Variants in PTPRQ observed in about 807,000 individuals in gnomAD.
PTPRQ encodes the protein phosphatidylinositol phosphatase PTPRQ.
PTPRQ carries 199 observed loss-of-function variants against 246.0 expected under a neutral mutation model. The ratio of observed to expected loss-of-function variants is 0.81; its 90% CI spans 0.72 to 0.91. The LOEUF is 0.91. Ranked by LOEUF, PTPRQ falls within the 40% of genes least tolerant of loss-of-function variation. The pLI is 0.00. For missense variants in PTPRQ, 2,624 were observed against 2,528.4 expected (o/e 1.04, Z -0.81); for synonymous variants, 869 against 853.2 (o/e 1.02, Z -0.32).
At chr12:80,455,567 TA>T (rs1383840214) in intron 3 of PTPRQ, among the ~76,000 whole-genome samples, 1 of 149,536 alleles carries the variant, frequency 6.7e-6, no homozygotes, top group Non-Finnish European at 1.5e-5. Flanking sequence ...TTTGCATTTA[TA>T]AAAAAGTCTC....
chr12:80,610,690 T>C, intron 28 of PTPRQ, 65 bp downstream of exon 28: 2 of 1,505,568 alleles, frequency 1.3e-6, no homozygotes, highest in Non-Finnish European at 8.9e-7. Flanking sequence ...TTACAGTTCA[T>C]CATACTCCAC....
intron 26 of PTPRQ, among the ~76,000 whole-genome samples, chr12:80,598,105 A>C (rs2121056233): frequency 6.6e-6 from 1 of 152,098 alleles, no homozygotes; most frequent in South Asian, 2.1e-4. Flanking sequence ...TCATACAGTG[A>C]GGTCTAATAC....
chr12:80,567,380 C>T (rs1418295939), intron 25 of PTPRQ, among the ~76,000 whole-genome samples: 2 of 152,066 alleles, frequency 1.3e-5, no homozygotes. Context: ...AATGTATATG[C>T]AGTGACATGT....
At chr12:80,660,295 G>A (rs952426842) in intron 39 of PTPRQ, among the ~76,000 whole-genome samples, 1 of 152,010 alleles carries the variant, frequency 6.6e-6, no homozygotes, top group African/African-American at 2.4e-5. Context: ...TGGTCTGAGG[G>A]ATGTATGTTA....
intron 6 of PTPRQ, among the ~76,000 whole-genome samples, chr12:80,463,537 A>G (rs1470097015): frequency 1.3e-5 from 2 of 152,160 alleles, no homozygotes; most frequent in Non-Finnish European, 2.9e-5. Context: ...ATACTCCTTG[A>G]GAAGAGCAAC....
intron 26 of PTPRQ, among the ~76,000 whole-genome samples, chr12:80,592,292 A>G (rs1413675500): frequency 6.6e-6 from 1 of 152,236 alleles, no homozygotes. Context: ...AATTTTGACG[A>G]TGAGTTGGTT....
intron 24 of PTPRQ, among the ~76,000 whole-genome samples, chr12:80,548,481 C>T (rs1415780020): frequency 6.6e-6 from 1 of 152,152 alleles, no homozygotes; most frequent in Admixed American, 6.6e-5. Flanking sequence ...AAATATTCTC[C>T]TTTAGTACTG....
At chr12:80,520,519 C>A (rs1289212196) in intron 17 of PTPRQ, among the ~76,000 whole-genome samples, 13 of 117,946 alleles carry the variant, frequency 1.1e-4, no homozygotes, top group African/African-American at 3.2e-4. Flanking sequence ...CCTCCCCCCA[C>A]CCCACAACAG....
At chr12:80,552,651 A>G (rs1209357354) in intron 25 of PTPRQ, among the ~76,000 whole-genome samples, 823 of 15,122 alleles carry the variant, frequency 0.054, 22 homozygotes, top group Middle Eastern at 0.095. Flanking sequence ...AAAATTATAT[A>G]TATATATATA....
chr12:80,588,061 A>G lies in PTPRQ; in HGVS notation c.4286-68A>G, dbSNP rs987160969. On this transcript the variant is annotated intron_variant, in intron 25 of 44. Transcript: ENST00000644991. Reference sequence around the variant, plus strand: ...ACTAGCTCCTCCATAATAGAATTCTATTCTTTCTTCTCTTTATGAAGTGTT... The same window carrying G: ...ACTAGCTCCTCCATAATAGAATTCTGTTCTTTCTTCTCTTTATGAAGTGTT... 3.9e-5 allele frequency: 56 copies of G among 1,429,910 alleles called. No individual in the cohort carries two copies. In the African/African-American group the frequency reaches 7.3e-4, roughly 19 times the overall value. 88.6% of individuals were successfully genotyped at this position (1,429,910 alleles called of 1,614,324 possible).
chr12:80,597,932 C>A (rs1293800092), intron 26 of PTPRQ, among the ~76,000 whole-genome samples: 2 of 151,956 alleles, frequency 1.3e-5, no homozygotes, highest in Admixed American at 6.6e-5. Context: ...AATATGTATT[C>A]TCTGATTCCA....
chr12:80,462,384 A>C (rs1373884309), intron 6 of PTPRQ: 4 of 192,432 alleles, frequency 2.1e-5, no homozygotes, highest in Non-Finnish European at 3.3e-5. Context: ...GGTGGAGCCC[A>C]CCACAGCTCA....
Position 80,605,059 on chromosome 12 carries a change from C to T in PTPRQ, c.4610C>T (p.Pro1537Leu). The T allele has an allele frequency of 6.5e-7, 1 of 1,539,710 alleles. No individual in the cohort carries two copies. ...NWISTKTLPGPPDGPPENVHV... is the reference protein window; with the variant it reads ...NWISTKTLPGLPDGPPENVHV... The stretch of plus-strand genomic sequence containing the variant: ...GATAATTAATTTTCTATTGTCATAG[C>T]TCCAGATGGTCCTCCTGAAAATGTT... The change falls in exon 27 of 45, where the codon CCT becomes CTT. Residue 1537 changes from proline to leucine, a missense_variant and splice_region_variant. Pro to Leu is a moderately conservative substitution (Grantham distance 98). Transcript: ENST00000644991.
chr12:80,562,470 G>A lies in PTPRQ; in HGVS notation c.4285+12736G>A, dbSNP rs116971314. Among the ~76,000 whole-genome samples the A allele has an allele frequency of 2.0e-5, 3 of 152,200 alleles. No individual in the cohort carries two copies. The East Asian group carries it at 5.8e-4, about 29-fold the overall frequency. ...GCTCTCAGGATGCAAAGTTTGAGCT[G>A]AAATATACTATCAAACAAGTTAGAA... On this transcript the variant is annotated intron_variant, in intron 25 of 44. Coordinates refer to ENST00000644991, the MANE Select transcript of PTPRQ (RefSeq NM_001145026.2).
At chr12:80,606,520 T>G (rs751507594) in intron 27 of PTPRQ, among the ~76,000 whole-genome samples, 4 of 150,934 alleles carry the variant, frequency 2.7e-5, no homozygotes, top group Non-Finnish European at 5.9e-5. Flanking sequence ...AGACTGGAAG[T>G]ATTTCCTTTG....
intron 35 of PTPRQ, among the ~76,000 whole-genome samples, chr12:80,645,605 C>A (rs1353815979): frequency 2.6e-5 from 4 of 151,396 alleles, no homozygotes; most frequent in African/African-American, 9.7e-5. Context: ...CACTTGTATC[C>A]TTAATGCAGG....
At chr12:80,507,947 C>T (rs1215627057) in intron 16 of PTPRQ, among the ~76,000 whole-genome samples, 1 of 151,864 alleles carries the variant, frequency 6.6e-6, no homozygotes, top group East Asian at 1.9e-4. Flanking sequence ...AAATAGTACC[C>T]ACTTCTTTAT....
intron 26 of PTPRQ, among the ~76,000 whole-genome samples, chr12:80,599,250 G>A (rs1898064352): frequency 6.6e-6 from 1 of 151,894 alleles, no homozygotes; most frequent in African/African-American, 2.4e-5. Context: ...AAAACCAGGG[G>A]GAAAGTGCTT....
At chr12:80,664,487 G>C (rs1443612746) in intron 39 of PTPRQ, among the ~76,000 whole-genome samples, 1 of 151,804 alleles carries the variant, frequency 6.6e-6, no homozygotes, top group African/African-American at 2.4e-5. Context: ...CAAGAACATG[G>C]GTTGAGGAAT....
Sources: gnomAD v4.1 joint callset for allele counts (sites outside exome capture counted in the v4.1 genomes callset) on GRCh38, gnomAD v4.1.1 for gene constraint, MANE v1.5 for transcripts, NCBI Gene and HGNC (gene_info 2026-07-23, HGNC 2026-07-21) for gene names.